Variants in NICOL1 observed in about 807,000 individuals in gnomAD.
NICOL1 encodes NELL2 interacting cell ontogeny regulator 1, also known as NELL2-interacting cell ontogeny regulator 1.
the NICOL1 span, among the ~76,000 whole-genome samples, chr4:2,043,618 A>G: frequency 6.6e-6 from 1 of 152,160 alleles, no homozygotes; most frequent in African/African-American, 2.4e-5. Flanking sequence ...GGGAGCTGGA[A>G]GAAGGCAGGT....
the NICOL1 span, among the ~76,000 whole-genome samples, chr4:2,037,416 T>C: frequency 1.3e-5 from 2 of 152,192 alleles, no homozygotes. Context: ...AATAACTTCT[T>C]AATCAAGGAA....
chr4:2,036,625 C>T, the NICOL1 span, among the ~76,000 whole-genome samples: 5 of 152,168 alleles, frequency 3.3e-5, no homozygotes, highest in Non-Finnish European at 7.3e-5. Context: ...ATGTTCAGGG[C>T]GGCCCTCGAG....
chr4:2,036,780 C>T, the NICOL1 span, among the ~76,000 whole-genome samples: 2 of 151,986 alleles, frequency 1.3e-5, no homozygotes, highest in African/African-American at 4.8e-5. Context: ...GATGAGAACC[C>T]GGAAGGAGCA....
the NICOL1 span, chr4:2,042,185 G>A: frequency 6.3e-5 from 91 of 1,443,588 alleles, no homozygotes; most frequent in Non-Finnish European, 7.9e-5. Context: ...GGTGGGGAGG[G>A]GGCTCCCGGG....
chr4:2,036,604 T>TC, the NICOL1 span, among the ~76,000 whole-genome samples: 1 of 152,108 alleles, frequency 6.6e-6, no homozygotes, highest in Admixed American at 6.6e-5. Context: ...AGACGGAAGC[T>TC]CCACTACAAC....
chr4:2,041,150 T>TGGGGGGGGGGGGGGGGGGGG, the NICOL1 span, among the ~76,000 whole-genome samples: 1 of 65,608 alleles, frequency 1.5e-5, no homozygotes, highest in African/African-American at 5.9e-5. Flanking sequence ...CTGGGTGGGG[T>TGGGGGGGGGGGGGGGGGGGG]GGGGGGGGAG....
chr4:2,039,350 G>A, the NICOL1 span, among the ~76,000 whole-genome samples: 1 of 151,450 alleles, frequency 6.6e-6, no homozygotes, highest in East Asian at 1.9e-4. Flanking sequence ...GGAGGCAGAG[G>A]TTGCAGTGAG....
chr4:2,042,087 G>A, the NICOL1 span: 8 of 1,483,340 alleles, frequency 5.4e-6, no homozygotes, highest in Middle Eastern at 3.8e-4. Flanking sequence ...GGTGGTGCGG[G>A]CGTCCGAATG....
the NICOL1 span, among the ~76,000 whole-genome samples, chr4:2,037,640 T>A: frequency 1.3e-5 from 2 of 152,196 alleles, no homozygotes; most frequent in African/African-American, 4.8e-5. Context: ...ATCATCTAGG[T>A]GAATTGTTAA....
chr4:2,042,749 G>A, the NICOL1 span: 3 of 1,516,442 alleles, frequency 2.0e-6, no homozygotes, highest in Non-Finnish European at 2.6e-6. Flanking sequence ...GCCCATGCGT[G>A]GACTGCCACG....
At chr4:2,042,852 C>A in the NICOL1 span, 1 of 1,448,464 alleles carries the variant, frequency 6.9e-7, no homozygotes, top group Non-Finnish European at 9.1e-7. Context: ...GACGGTCCTC[C>A]CGGGCTTCCC....
At chr4:2,042,892 A>C in the NICOL1 span, 2 of 1,110,334 alleles carry the variant, frequency 1.8e-6, no homozygotes, top group Non-Finnish European at 2.5e-6. Flanking sequence ...GAGGATGAGG[A>C]AGAGGCCCCC....
At chr4:2,042,420 G>T in the NICOL1 span, 1 of 494,426 alleles carries the variant, frequency 2.0e-6, no homozygotes. Context: ...TGCTGCTGCT[G>T]AGTCTGGCGC....
the NICOL1 span, among the ~76,000 whole-genome samples, chr4:2,040,920 G>C: frequency 6.7e-6 from 1 of 148,992 alleles, no homozygotes; most frequent in South Asian, 2.2e-4. Context: ...GCGAGAAGCA[G>C]GTGCGTCCGC....
At chr4:2,038,451 A>C in the NICOL1 span, among the ~76,000 whole-genome samples, 1 of 151,308 alleles carries the variant, frequency 6.6e-6, no homozygotes, top group Non-Finnish European at 1.5e-5. Flanking sequence ...CCACATTCAG[A>C]TACTTTTTAA....
chr4:2,036,825 G>C, the NICOL1 span, among the ~76,000 whole-genome samples: 1 of 152,180 alleles, frequency 6.6e-6, no homozygotes, highest in Admixed American at 6.6e-5. Flanking sequence ...GCTATGGGGA[G>C]TGAGTGTGTG....
the NICOL1 span, chr4:2,041,991 G>A: frequency 1.4e-6 from 2 of 1,469,718 alleles, no homozygotes; most frequent in South Asian, 2.6e-5. Flanking sequence ...TCGGGTCGGA[G>A]CGCATGCGCG....
At chr4:2,038,124 T>C in the NICOL1 span, among the ~76,000 whole-genome samples, 1 of 150,314 alleles carries the variant, frequency 6.7e-6, no homozygotes, top group Non-Finnish European at 1.5e-5. Flanking sequence ...CTTATATTTT[T>C]GTTATTATAA....
the NICOL1 span, chr4:2,042,202 G>T: frequency 7.0e-6 from 10 of 1,422,108 alleles, no homozygotes; most frequent in Non-Finnish European, 9.1e-6. Context: ...CGGGCCCGGG[G>T]TGGGTGGGTC....
Sources: gnomAD v4.1 joint callset for allele counts (sites outside exome capture counted in the v4.1 genomes callset) on GRCh38, gnomAD v4.1.1 for gene constraint, MANE v1.5 for transcripts, NCBI Gene and HGNC (gene_info 2026-07-23, HGNC 2026-07-21) for gene names.